DIAPH2: variants seen among roughly 807,000 people sequenced by gnomAD.
DIAPH2 encodes diaphanous related formin 2, also known as protein diaphanous homolog 2.
DIAPH2 carries 35 observed loss-of-function variants against 92.7 expected under a neutral mutation model. That is an observed-to-expected ratio of 0.38 (90% confidence interval 0.29 to 0.50). The LOEUF is 0.50. Among genes scored for constraint, DIAPH2 ranks in the 20% least tolerant of loss-of-function variants. DIAPH2 has a pLI of 0.94. For synonymous variants in DIAPH2, 301 were observed against 280.4 expected, an observed-to-expected ratio of 1.07 and a Z score of -0.73; for missense variants, 701 against 819.5, an observed-to-expected ratio of 0.86 and a Z score of 1.77.
At chrX:97,199,616 G>A (rs1012035897) in intron 22 of DIAPH2, among the ~76,000 whole-genome samples, 3 of 111,651 alleles carry the variant, frequency 2.7e-5, no homozygotes, top group African/African-American at 9.8e-5. Context: ...CACTGAAGTT[G>A]AAAACTTTCC....
intron 22 of DIAPH2, among the ~76,000 whole-genome samples, chrX:97,152,123 T>A (rs769359274): frequency 9.0e-6 from 1 of 111,635 alleles, no homozygotes; most frequent in African/African-American, 3.3e-5. Flanking sequence ...TATTCATCAA[T>A]AAGGATGAGC....
chrX:97,493,716 TA>T (rs773673837), intron 26 of DIAPH2, among the ~76,000 whole-genome samples: 12 of 102,046 alleles, frequency 1.2e-4, no homozygotes, highest in Admixed American at 1.1e-4. Context: ...CCATCTCTAC[TA>T]AAAAAAAAAA....
At chrX:96,685,529 TCTC>T (rs2063766411) in intron 1 of DIAPH2, among the ~76,000 whole-genome samples, 1 of 112,870 alleles carries the variant, frequency 8.9e-6, no homozygotes, top group South Asian at 3.6e-4. Flanking sequence ...GCGATTCCAT[TCTC>T]CTCCCACTTC....
intron 17 of DIAPH2, among the ~76,000 whole-genome samples, chrX:96,998,268 C>T (rs1400646271): frequency 9.0e-6 from 1 of 111,188 alleles, no homozygotes; most frequent in African/African-American, 3.3e-5. Flanking sequence ...TTAATAAACT[C>T]CATGTCACTT....
intron 23 of DIAPH2, among the ~76,000 whole-genome samples, chrX:97,340,664 T>G (rs1230416320): frequency 3.7e-5 from 4 of 106,816 alleles, no homozygotes; most frequent in South Asian, 4.2e-4. Flanking sequence ...TTTTGTTTTT[T>G]TTTTTTTTTG....
At chrX:97,434,463 C>T (rs1355658604) in intron 26 of DIAPH2, among the ~76,000 whole-genome samples, 2 of 104,223 alleles carry the variant, frequency 1.9e-5, no homozygotes, top group African/African-American at 7.2e-5. Flanking sequence ...GGCTGAAGTG[C>T]AGTGGTGCGA....
At chrX:97,165,297 T>A (rs944514168) in intron 22 of DIAPH2, among the ~76,000 whole-genome samples, 8 of 111,552 alleles carry the variant, frequency 7.2e-5, no homozygotes, top group African/African-American at 2.6e-4. Flanking sequence ...ACCTAAAGGC[T>A]GAGTAAGAGG....
At chrX:97,326,016 T>C (rs962529512) in intron 23 of DIAPH2, among the ~76,000 whole-genome samples, 1 of 112,943 alleles carries the variant, frequency 8.9e-6, no homozygotes, top group Non-Finnish European at 1.9e-5. Flanking sequence ...TTGTTTCTGT[T>C]CTTTAATTTA....
At chrX:97,292,539 T>A (rs1249288294) in intron 23 of DIAPH2, among the ~76,000 whole-genome samples, 1 of 108,569 alleles carries the variant, frequency 9.2e-6, no homozygotes, top group Non-Finnish European at 1.9e-5. Flanking sequence ...TGTGCCAATT[T>A]AATACCCAAT....
chrX:96,919,899 A>G, intron 9 of DIAPH2, among the ~76,000 whole-genome samples: 1 of 108,568 alleles, frequency 9.2e-6, no homozygotes, highest in Admixed American at 1.0e-4. Context: ...TTATTTATTT[A>G]TTAAGATGGA....
chrX:97,334,272 C>T (rs2069028403), intron 23 of DIAPH2, among the ~76,000 whole-genome samples: 2 of 109,171 alleles, frequency 1.8e-5, no homozygotes, highest in South Asian at 8.1e-4. Flanking sequence ...ACCATCCTGG[C>T]TAATCCGGTG....
intron 19 of DIAPH2, among the ~76,000 whole-genome samples, chrX:97,079,188 T>C (rs746889504): frequency 9.0e-6 from 1 of 111,239 alleles, no homozygotes; most frequent in South Asian, 3.8e-4. Context: ...GACTCATTCC[T>C]AACCCCTATA....
intron 3 of DIAPH2, among the ~76,000 whole-genome samples, chrX:96,755,134 T>G (rs1003812375): frequency 2.7e-5 from 3 of 109,113 alleles, no homozygotes; most frequent in African/African-American, 1.0e-4. Context: ...GAAATAACAT[T>G]AGATAGAAAA....
intron 15 of DIAPH2, among the ~76,000 whole-genome samples, chrX:96,952,628 G>A (rs184264812): frequency 1.9e-4 from 21 of 110,382 alleles, no homozygotes; most frequent in Admixed American, 1.6e-3. Context: ...CCAGCTACTC[G>A]GGAGGCTGGG....
chrX:97,276,289 C>G (rs1329474645), intron 23 of DIAPH2, among the ~76,000 whole-genome samples: 8 of 111,572 alleles, frequency 7.2e-5, no homozygotes, highest in African/African-American at 9.8e-5. Context: ...GGGACAGGGA[C>G]AGGGAGAGGG....
At chrX:96,810,201 A>T (rs1232867843) in intron 4 of DIAPH2, among the ~76,000 whole-genome samples, 4 of 111,813 alleles carry the variant, frequency 3.6e-5, no homozygotes, top group Non-Finnish European at 7.5e-5. Context: ...CTTTTTAATG[A>T]TTGCCGTTCT....
At chrX:97,453,746 G>T (rs2070378251) in intron 26 of DIAPH2, among the ~76,000 whole-genome samples, 1 of 111,818 alleles carries the variant, frequency 8.9e-6, no homozygotes, top group Non-Finnish European at 1.9e-5. Context: ...GTACATGGTG[G>T]CTTGGGAACA....
intron 17 of DIAPH2, among the ~76,000 whole-genome samples, chrX:97,026,677 T>C (rs1242826927): frequency 8.9e-6 from 1 of 112,626 alleles, no homozygotes. Flanking sequence ...ACATCCAGAC[T>C]ATCAGACTTC....
chrX:97,587,128 G>A (rs2071484160), intron 26 of DIAPH2, among the ~76,000 whole-genome samples: 1 of 112,018 alleles, frequency 8.9e-6, no homozygotes, highest in African/African-American at 3.2e-5. Context: ...GAAATAAATT[G>A]CAGGCCAGTT....
Sources: allele counts gnomAD v4.1 joint callset (sites outside exome capture counted in the v4.1 genomes callset), GRCh38; gene constraint gnomAD v4.1.1; transcripts MANE v1.5; gene names NCBI Gene and HGNC (gene_info 2026-07-23, HGNC 2026-07-21).